Variants in MAP4 observed in about 807,000 individuals in gnomAD.
MAP4 encodes the protein microtubule associated protein 4, also known as microtubule-associated protein 4.
Under a neutral mutation model 170.2 loss-of-function variants are expected in MAP4, and 76 were observed. That is an observed-to-expected ratio of 0.45 (90% confidence interval 0.37 to 0.54). The LOEUF is 0.54. Among genes scored for constraint, MAP4 ranks in the 20% least tolerant of loss-of-function variants. The pLI is 0.00. For missense variants in MAP4, 2,506 were observed against 2,748.0 expected, an observed-to-expected ratio of 0.91 and a Z score of 1.97; for synonymous variants, 909 against 994.5, an observed-to-expected ratio of 0.91 and a Z score of 1.62.
intron 1 of MAP4, among the ~76,000 whole-genome samples, chr3:48,056,175 C>T (rs1218570513): frequency 7.8e-6 from 1 of 128,500 alleles, no homozygotes; most frequent in East Asian, 2.4e-4. Flanking sequence ...GGGGGTCAGC[C>T]CCCCCGCCCC....
chr3:47,964,493 T>C (rs2100073649), intron 3 of MAP4, among the ~76,000 whole-genome samples: 1 of 152,182 alleles, frequency 6.6e-6, no homozygotes, highest in African/African-American at 2.4e-5. Context: ...TTTTTTCTTC[T>C]TTTTCTTCTC....
intron 1 of MAP4, among the ~76,000 whole-genome samples, chr3:48,066,619 A>C (rs2100138344): frequency 6.6e-6 from 1 of 151,648 alleles, no homozygotes; most frequent in Admixed American, 6.6e-5. Context: ...TGAACCTCCT[A>C]AGTAGCTGGG....
intron 4 of MAP4, 61 bp downstream of exon 4, chr3:47,928,167 T>C (rs911991768): frequency 6.3e-7 from 1 of 1,599,602 alleles, no homozygotes; most frequent in Admixed American, 1.7e-5. Flanking sequence ...ATGGTGGTTG[T>C]AGCTTTTTCA....
At chr3:47,935,492 G>A (rs1228221697) in intron 3 of MAP4, among the ~76,000 whole-genome samples, 1 of 152,056 alleles carries the variant, frequency 6.6e-6, no homozygotes, top group Non-Finnish European at 1.5e-5. Context: ...CTTCTAAAGG[G>A]AAACCCACCC....
intron 2 of MAP4, among the ~76,000 whole-genome samples, chr3:47,994,729 C>G (rs2154357087): frequency 6.6e-6 from 1 of 152,282 alleles, no homozygotes; most frequent in Non-Finnish European, 1.5e-5. Flanking sequence ...GCAAGTGGAT[C>G]ACCTGAGGTC....
intron 1 of MAP4, among the ~76,000 whole-genome samples, chr3:48,060,759 A>AAAT (rs985828148): frequency 5.9e-5 from 9 of 152,196 alleles, no homozygotes; most frequent in Middle Eastern, 6.8e-3. Flanking sequence ...ACAAAAAAAA[A>AAAT]AATAATAATA....
In MAP4 at chr3:47,875,880, A is replaced by G. The variant is rs2095256199; in HGVS notation, c.5562T>C (p.Pro1854=). Residue 1854 remains proline, a synonymous_variant, in exon 12 of 21, where the codon CCT becomes CCC. Transcript: ENST00000683076. ...TGGCTTTCGATGTTGAAGTCTTTGCAGGTTGAGTGGTGGCCAAAGGCTTTA... is the reference window on the plus strand; with the variant it reads ...TGGCTTTCGATGTTGAAGTCTTTGCGGGTTGAGTGGTGGCCAAAGGCTTTA... The part of the protein sequence containing the change: ...KKTKPLATTQ[P]AKTSTSKAKT... 1 of 1,611,814 alleles carries G rather than the reference A, an allele frequency of 6.2e-7. No homozygotes were observed. The highest frequency in any genetic ancestry group is 1.7e-5 in the Admixed American group (1 of 59,076).
At chr3:47,881,095 A>C (rs1270319343) in intron 10 of MAP4, among the ~76,000 whole-genome samples, 3 of 152,108 alleles carry the variant, frequency 2.0e-5, no homozygotes, top group African/African-American at 7.2e-5. Context: ...AAGTTTTCTA[A>C]ATGTAAGGAT....
At chr3:48,079,881 C>T (rs1579880496) in intron 1 of MAP4, among the ~76,000 whole-genome samples, 1 of 150,656 alleles carries the variant, frequency 6.6e-6, no homozygotes, top group Non-Finnish European at 1.5e-5. Context: ...ACCCGGGAGG[C>T]GGAGCTTGCA....
chr3:47,880,464 A>ATTT, intron 10 of MAP4, among the ~76,000 whole-genome samples: 2 of 104,592 alleles, frequency 1.9e-5, no homozygotes, highest in East Asian at 2.6e-4. Flanking sequence ...TTCCAATTTC[A>ATTT]GTTTTTTTTT....
intron 1 of MAP4, among the ~76,000 whole-genome samples, chr3:48,074,886 C>T (rs944768403): frequency 5.3e-5 from 8 of 151,974 alleles, no homozygotes; most frequent in Admixed American, 3.3e-4. Flanking sequence ...AGGCATCCCA[C>T]GTTCATGAAG....
intron 4 of MAP4, among the ~76,000 whole-genome samples, chr3:47,922,850 C>A (rs980378389): frequency 6.6e-6 from 1 of 152,098 alleles, no homozygotes; most frequent in African/African-American, 2.4e-5. Context: ...GAGATTGAGA[C>A]CATCCTGGCT....
chr3:48,047,330 C>A (rs2154545190), intron 1 of MAP4, among the ~76,000 whole-genome samples: 1 of 152,090 alleles, frequency 6.6e-6, no homozygotes, highest in African/African-American at 2.4e-5. Flanking sequence ...AGTCTCTCAC[C>A]CAGTTCTCCA....
intron 3 of MAP4, among the ~76,000 whole-genome samples, chr3:47,976,154 T>C (rs1324280123): frequency 1.3e-5 from 2 of 152,186 alleles, no homozygotes; most frequent in South Asian, 2.1e-4. Flanking sequence ...GCAAACTATA[T>C]GCTACCTAAG....
At chr3:47,900,411 T>G (rs535372666) in intron 10 of MAP4, among the ~76,000 whole-genome samples, 1 of 152,230 alleles carries the variant, frequency 6.6e-6, no homozygotes, top group Admixed American at 6.5e-5. Flanking sequence ...ATCTGATATA[T>G]GTGAACCAAA....
At chr3:48,064,120 G>T (rs1290690736) in intron 1 of MAP4, among the ~76,000 whole-genome samples, 1 of 152,160 alleles carries the variant, frequency 6.6e-6, no homozygotes, top group Non-Finnish European at 1.5e-5. Flanking sequence ...CTGGGGACTA[G>T]ACTGCCTTTG....
At chr3:48,064,643 T>C (rs2100137509) in intron 1 of MAP4, among the ~76,000 whole-genome samples, 1 of 152,144 alleles carries the variant, frequency 6.6e-6, no homozygotes, top group Non-Finnish European at 1.5e-5. Context: ...TAGACAGTCA[T>C]GCATCACTTA....
rs570915789 is a variant in MAP4, at chr3:48,043,808, CATA to C, written c.-19-44932_-19-44930del. Among the ~76,000 whole-genome samples, 11 of 152,146 alleles carry C rather than the reference CATA, an allele frequency of 7.2e-5. No individual in the cohort carries two copies. In the South Asian group the frequency reaches 2.3e-3, roughly 32 times the overall value. On this transcript the variant is annotated intron_variant, in intron 1 of 18. Coordinates refer to the MAP4 transcript ENST00000360240. ...GCACGCTGAAACCATGCAAAGTGATCATAATAATTAATGAGAAAAACTGCAATT... is the reference window on the plus strand; with the variant it reads ...GCACGCTGAAACCATGCAAAGTGATCATAATTAATGAGAAAAACTGCAATT...
At chr3:48,008,849 C>T (rs1314293115) in intron 1 of MAP4, among the ~76,000 whole-genome samples, 3 of 152,154 alleles carry the variant, frequency 2.0e-5, no homozygotes, top group Non-Finnish European at 4.4e-5. Context: ...GACCTGGCTA[C>T]GGCCACTGCT....
Sources: allele counts gnomAD v4.1 joint callset (sites outside exome capture counted in the v4.1 genomes callset), GRCh38; gene constraint gnomAD v4.1.1; transcripts MANE v1.5; gene names NCBI Gene and HGNC (gene_info 2026-07-23, HGNC 2026-07-21).